The following FBXL17 variants were observed in gnomAD, a reference collection of about 807,000 sequenced individuals.
The protein encoded by FBXL17 is F-box and leucine rich repeat protein 17.
FBXL17 carries 22 observed loss-of-function variants against 66.2 expected under a neutral mutation model. The ratio of observed to expected loss-of-function variants is 0.33; its 90% CI spans 0.24 to 0.47. The LOEUF (loss-of-function observed/expected upper bound fraction) is 0.47. Among genes scored for constraint, FBXL17 ranks in the 20% least tolerant of loss-of-function variants. The pLI is 1.00. For missense variants in FBXL17, 878 were observed against 948.2 expected (o/e 0.93, Z 0.97); for synonymous variants, 474 against 400.5 (o/e 1.18, Z -2.19).
At chr5:107,904,541 G>C (rs967511389) in intron 7 of FBXL17, among the ~76,000 whole-genome samples, 1 of 151,966 alleles carries the variant, frequency 6.6e-6, no homozygotes, top group Non-Finnish European at 1.5e-5. Context: ...GTTATACCAA[G>C]CATATTTAAA....
chr5:108,039,211 T>G (rs1445989793), intron 6 of FBXL17, among the ~76,000 whole-genome samples: 4 of 151,958 alleles, frequency 2.6e-5, no homozygotes, highest in Non-Finnish European at 5.9e-5. Context: ...CTGCTGAAAA[T>G]AGTGTTTCAA....
At chr5:108,259,754 G>C (rs1756731689) in intron 4 of FBXL17, among the ~76,000 whole-genome samples, 1 of 152,160 alleles carries the variant, frequency 6.6e-6, no homozygotes. Flanking sequence ...TAAGGATAGA[G>C]AGGGTATCTA....
At chr5:107,974,510 T>A (rs1027272171) in intron 7 of FBXL17, among the ~76,000 whole-genome samples, 1 of 152,154 alleles carries the variant, frequency 6.6e-6, no homozygotes, top group East Asian at 1.9e-4. Context: ...GCAATTTCCA[T>A]CAGACAATAT....
At chr5:107,981,057 G>A (rs757978073) in intron 7 of FBXL17, among the ~76,000 whole-genome samples, 5 of 152,098 alleles carry the variant, frequency 3.3e-5, no homozygotes, top group African/African-American at 4.8e-5. Flanking sequence ...TCATTAGGGA[G>A]CTTATAATTC....
intron 1 of FBXL17, among the ~76,000 whole-genome samples, chr5:108,379,216 A>G (rs983877252): frequency 1.3e-5 from 2 of 152,182 alleles, no homozygotes; most frequent in African/African-American, 4.8e-5. Context: ...AGTAGAAGGT[A>G]CCTGGCTTTG....
chr5:108,093,294 G>GAGT (rs887842959), intron 6 of FBXL17, among the ~76,000 whole-genome samples: 3 of 146,230 alleles, frequency 2.1e-5, no homozygotes, highest in African/African-American at 7.6e-5. Flanking sequence ...AAAAAAAAAA[G>GAGT]AGTAGTTTGT....
At chr5:108,354,859 T>G (rs967239375) in intron 3 of FBXL17, among the ~76,000 whole-genome samples, 1 of 151,142 alleles carries the variant, frequency 6.6e-6, no homozygotes, top group African/African-American at 2.4e-5. Flanking sequence ...AAGAAGAAAG[T>G]AGAGTGAAAT....
intron 4 of FBXL17, among the ~76,000 whole-genome samples, chr5:108,253,141 T>A (rs911604193): frequency 9.2e-5 from 14 of 152,188 alleles, no homozygotes; most frequent in Admixed American, 4.6e-4. Context: ...CTGTTAAAGT[T>A]AATGAAGAGA....
chr5:107,901,704 G>C (rs1749572657), intron 7 of FBXL17, among the ~76,000 whole-genome samples: 1 of 152,166 alleles, frequency 6.6e-6, no homozygotes, highest in Non-Finnish European at 1.5e-5. Flanking sequence ...GCTCGCTTTT[G>C]ATGGTGACTC....
At chr5:108,160,496 G>C (rs576930841) in intron 6 of FBXL17, among the ~76,000 whole-genome samples, 2 of 152,194 alleles carry the variant, frequency 1.3e-5, no homozygotes, top group Non-Finnish European at 2.9e-5. Context: ...TGAGAATATA[G>C]AGTGAACTGG....
chr5:108,029,970 A>T (rs961737375), intron 6 of FBXL17, among the ~76,000 whole-genome samples: 1 of 152,140 alleles, frequency 6.6e-6, no homozygotes, highest in Non-Finnish European at 1.5e-5. Flanking sequence ...ATACTTCTAG[A>T]GGTTTCTTTC....
chr5:108,245,013 T>C (rs1756029492), intron 4 of FBXL17, among the ~76,000 whole-genome samples: 1 of 152,156 alleles, frequency 6.6e-6, no homozygotes, highest in Non-Finnish European at 1.5e-5. Context: ...GTCTTAAAGA[T>C]ATAAAATCTT....
intron 1 of FBXL17, among the ~76,000 whole-genome samples, chr5:108,370,802 CAT>C (rs1194914173): frequency 2.6e-5 from 4 of 151,116 alleles, no homozygotes; most frequent in African/African-American, 4.9e-5. Flanking sequence ...TGCCAGCAAA[CAT>C]GTATTAAGCC....
Position 108,076,350 on chromosome 5 carries a change from C to T in FBXL17, c.1746-55349G>A, listed in dbSNP as rs139510170. Among the ~76,000 whole-genome samples, 720 of 152,252 alleles carry T rather than the reference C, an allele frequency of 4.7e-3. 16 individuals are homozygous for T. Among genetic ancestry groups the T allele is most frequent in the Admixed American group, 0.042 (635 of 15,292 alleles). ...CAGGCATTGCCTTCATAGCTCTGTC[C>T]TTTATCCTACAGTTTGTATCTGTTA... is the stretch of plus-strand genomic sequence containing the variant. On this transcript the variant is annotated intron_variant, in intron 6 of 8. Transcript: ENST00000542267.
chr5:108,198,246 CTAATTT>C (rs1277999909), intron 5 of FBXL17, among the ~76,000 whole-genome samples: 1 of 152,070 alleles, frequency 6.6e-6, no homozygotes, highest in East Asian at 1.9e-4. Context: ...TTCTCTCCTT[CTAATTT>C]TAAGTCGTTT....
At chr5:108,305,385 G>A in intron 4 of FBXL17, among the ~76,000 whole-genome samples, 1 of 151,848 alleles carries the variant, frequency 6.6e-6, no homozygotes, top group East Asian at 1.9e-4. Flanking sequence ...TAATAACTAG[G>A]TGATGAGATT....
intron 7 of FBXL17, among the ~76,000 whole-genome samples, chr5:108,015,720 T>C (rs963582114): frequency 1.3e-5 from 2 of 152,206 alleles, no homozygotes; most frequent in Non-Finnish European, 1.5e-5. Context: ...TTTACTTTGA[T>C]GATGTATCCC....
intron 8 of FBXL17, among the ~76,000 whole-genome samples, chr5:107,863,369 G>C (rs1398341590): frequency 6.6e-6 from 1 of 151,032 alleles, no homozygotes; most frequent in Non-Finnish European, 1.5e-5. Flanking sequence ...TTCTGGTCTT[G>C]GGATCTTTAC....
intron 7 of FBXL17, among the ~76,000 whole-genome samples, chr5:107,998,997 A>G (rs1753600236): frequency 6.6e-6 from 1 of 152,124 alleles, no homozygotes; most frequent in South Asian, 2.1e-4. Context: ...CAATCAGTCC[A>G]AGCTTGAGCA....
Sources: allele counts gnomAD v4.1 joint callset (sites outside exome capture counted in the v4.1 genomes callset), GRCh38; gene constraint gnomAD v4.1.1; transcripts MANE v1.5; gene names NCBI Gene and HGNC (gene_info 2026-07-23, HGNC 2026-07-21).